CD96: variants seen among roughly 807,000 people sequenced by gnomAD.
CD96 encodes the protein CD96 molecule, also known as T-cell surface protein tactile.
Under a neutral mutation model 71.3 loss-of-function variants are expected in CD96, and 70 were observed. That is an observed-to-expected ratio of 0.98 (90% CI 0.81 to 1.20). The LOEUF (loss-of-function observed/expected upper bound fraction) is 1.20. Among genes scored for constraint, CD96 ranks in the 50% most tolerant of loss-of-function variants. CD96 has a pLI of 0.00. For missense variants in CD96, 742 were observed against 677.5 expected (o/e 1.10, Z -1.06); for synonymous variants, 248 against 233.0 (o/e 1.06, Z -0.59).
downstream of CD96, among the ~76,000 whole-genome samples, chr3:111,655,014 A>G (rs16858401): frequency 4.7e-3 from 717 of 152,310 alleles, 3 homozygotes; most frequent in African/African-American, 0.017. Context: ...ATATCTGTTA[A>G]GGCTGAATGG....
chr3:111,564,541 C>G (rs978052908), intron 2 of CD96, among the ~76,000 whole-genome samples: 1 of 152,078 alleles, frequency 6.6e-6, no homozygotes, highest in Non-Finnish European at 1.5e-5. Context: ...TTCCACTGGA[C>G]TCATTGGGAA....
At chr3:111,550,979 A>T (rs1180676792) in intron 2 of CD96, among the ~76,000 whole-genome samples, 1 of 152,194 alleles carries the variant, frequency 6.6e-6, no homozygotes, top group Non-Finnish European at 1.5e-5. Flanking sequence ...GGAAAACAAA[A>T]AGGCAAAGGA....
intron 7 of CD96, among the ~76,000 whole-genome samples, chr3:111,603,181 C>T (rs1359871132): frequency 6.6e-6 from 1 of 152,178 alleles, no homozygotes; most frequent in Non-Finnish European, 1.5e-5. Context: ...GTGGCTCATG[C>T]CTGCAATCCC....
intron 5 of CD96, among the ~76,000 whole-genome samples, chr3:111,591,371 T>TAAAA (rs3082283): frequency 1.7e-3 from 151 of 88,124 alleles, no homozygotes; most frequent in Admixed American, 5.5e-3. Flanking sequence ...GACTCCATCT[T>TAAAA]AAAAAAAAAA....
chr3:111,619,200 C>A (rs141019232), intron 8 of CD96, among the ~76,000 whole-genome samples: 1 of 152,252 alleles, frequency 6.6e-6, no homozygotes, highest in East Asian at 1.9e-4. Context: ...CCACTCAATT[C>A]AGCACTGACT....
chr3:111,601,993 A>G (rs1937512487), intron 7 of CD96, among the ~76,000 whole-genome samples: 1 of 152,206 alleles, frequency 6.6e-6, no homozygotes, highest in Admixed American at 6.5e-5. Flanking sequence ...GTATGAACAC[A>G]TCATCCTGTG....
At chr3:111,616,098 T>C (rs893388703) in intron 8 of CD96, among the ~76,000 whole-genome samples, 1 of 152,174 alleles carries the variant, frequency 6.6e-6, no homozygotes, top group Non-Finnish European at 1.5e-5. Flanking sequence ...TTTTTGGCTG[T>C]ATTTTCTCCA....
intron 4 of CD96, among the ~76,000 whole-genome samples, chr3:111,581,462 A>C (rs1224823663): frequency 6.6e-6 from 1 of 152,186 alleles, no homozygotes; most frequent in African/African-American, 2.4e-5. Flanking sequence ...TCTATTCCAC[A>C]TGCCCTAAAC....
At chr3:111,580,529 C>T (rs1371522604) in intron 4 of CD96, among the ~76,000 whole-genome samples, 2 of 152,082 alleles carry the variant, frequency 1.3e-5, no homozygotes, top group African/African-American at 4.8e-5. Flanking sequence ...ACACAGGCTG[C>T]TAGATTGTTC....
At chr3:111,626,263 C>T (rs566837235) in intron 10 of CD96, among the ~76,000 whole-genome samples, 11 of 141,686 alleles carry the variant, frequency 7.8e-5, no homozygotes, top group South Asian at 2.2e-4. Flanking sequence ...ATCGAGATTG[C>T]GCCACTGCAC....
chr3:111,626,291 AGT>A (rs1938752299), intron 10 of CD96, among the ~76,000 whole-genome samples: 1 of 119,852 alleles, frequency 8.3e-6, no homozygotes. Flanking sequence ...TGGGTGACAG[AGT>A]AAGACTCCGT....
At chr3:111,636,666 C>T (rs1939343431) in intron 10 of CD96, among the ~76,000 whole-genome samples, 1 of 152,224 alleles carries the variant, frequency 6.6e-6, no homozygotes, top group Non-Finnish European at 1.5e-5. Context: ...AGGACTCACT[C>T]AGCAGCTGAC....
At chr3:111,554,233 A>G (rs943616894) in intron 2 of CD96, among the ~76,000 whole-genome samples, 63 of 151,958 alleles carry the variant, frequency 4.1e-4, no homozygotes, top group African/African-American at 1.4e-3. Context: ...TTAGGTATTC[A>G]CCTGTCTTCC....
intron 12 of CD96, among the ~76,000 whole-genome samples, chr3:111,646,910 T>C (rs560288912): frequency 4.6e-4 from 70 of 152,078 alleles, no homozygotes; most frequent in African/African-American, 9.4e-4. Flanking sequence ...ATAATATTCT[T>C]TGCAGCAGCA....
intron 8 of CD96, 109 bp from the exon 9 acceptor site, chr3:111,623,645 A>C (rs1374331876): frequency 1.3e-6 from 1 of 742,076 alleles, no homozygotes; most frequent in Admixed American, 2.0e-5. Flanking sequence ...GCTGTTCACT[A>C]AGATTCTTTC....
intron 2 of CD96, among the ~76,000 whole-genome samples, chr3:111,560,152 CTCTT>C (rs1348550038): frequency 1.3e-5 from 2 of 151,466 alleles, no homozygotes; most frequent in Non-Finnish European, 3.0e-5. Context: ...TGGGTCTTGA[CTCTT>C]TATCCAATTT....
rs763928223 is a variant in CD96, at chr3:111,579,188, C to T, written c.705C>T (p.Val235=). The change falls in exon 4 of 14, where the codon GTC becomes GTT. Residue 235 remains valine, a synonymous_variant. Coordinates refer to ENST00000352690, the MANE Select transcript of CD96 (RefSeq NM_005816.5). ...DGRKFSCHIR[V]GPNKILRSST... ...GGAAGTTCTCTTGCCACATTAGAGT[C>T]GGTCCTAACAAAATCTTGAGGAGCT... 2.4e-5 allele frequency: 38 copies of T among 1,611,272 alleles called. No homozygotes were observed. In the South Asian group the frequency reaches 3.4e-4, roughly 14 times the overall value.
chr3:111,561,761 T>C lies in CD96; in HGVS notation c.419-5762T>C, dbSNP rs1359333836. Among the ~76,000 whole-genome samples, 29 of 148,848 alleles carry C rather than the reference T, an allele frequency of 1.9e-4. No homozygotes were observed. In the East Asian group the frequency reaches 5.0e-3, roughly 26 times the overall value. On this transcript the variant is annotated intron_variant, in intron 2 of 13. Transcript: ENST00000352690. ...CCCAGTTCGAGCTTCCCGGCTGCTT[T>C]GTTTACCTAAGCAAGCCTGGGCAAT...
intron 2 of CD96, among the ~76,000 whole-genome samples, chr3:111,559,084 T>C (rs1251793398): frequency 1.3e-5 from 2 of 151,830 alleles, no homozygotes; most frequent in Non-Finnish European, 2.9e-5. Flanking sequence ...TGTGTCTATT[T>C]GATTCTTCTC....
Sources: allele counts gnomAD v4.1 joint callset (sites outside exome capture counted in the v4.1 genomes callset), GRCh38; gene constraint gnomAD v4.1.1; transcripts MANE v1.5; gene names NCBI Gene and HGNC (gene_info 2026-07-23, HGNC 2026-07-21).